The following CSMD1 variants were observed in gnomAD, a reference collection of about 807,000 sequenced individuals.
CSMD1 encodes CUB and Sushi multiple domains 1.
Under a neutral mutation model 417.5 loss-of-function variants are expected in CSMD1, and 213 were observed. The ratio of observed to expected loss-of-function variants is 0.51; its 90% CI spans 0.46 to 0.57. CSMD1 has a LOEUF of 0.57. Ranked by LOEUF, CSMD1 falls within the 20% of genes least tolerant of loss-of-function variation. The pLI, the probability that CSMD1 is intolerant of heterozygous loss-of-function variation, is 0.00. For missense variants in CSMD1, 6,923 were observed against 4,529.7 expected (o/e 1.53, Z -15.17); for synonymous variants, 2,862 against 1,736.8 (o/e 1.65, Z -16.11).
intron 1 of CSMD1, among the ~76,000 whole-genome samples, chr8:4,662,687 C>A (rs1293459439): frequency 1.3e-5 from 2 of 152,154 alleles, no homozygotes; most frequent in African/African-American, 4.8e-5. Context: ...CTTTCAGGAG[C>A]ATTTGTACAC....
At chr8:4,385,243 T>G (rs1803370461) in intron 3 of CSMD1, among the ~76,000 whole-genome samples, 1 of 152,218 alleles carries the variant, frequency 6.6e-6, no homozygotes, top group Non-Finnish European at 1.5e-5. Flanking sequence ...AAAAAAGTTC[T>G]TAAATAGGTG....
intron 10 of CSMD1, among the ~76,000 whole-genome samples, chr8:3,528,473 C>A (rs1038193822): frequency 1.3e-5 from 2 of 152,184 alleles, no homozygotes; most frequent in Non-Finnish European, 2.9e-5. Flanking sequence ...AGCTTCCAAA[C>A]CTTGAGGAAG....
intron 2 of CSMD1, among the ~76,000 whole-genome samples, chr8:4,531,184 G>A (rs976956214): frequency 1.3e-5 from 2 of 152,122 alleles, no homozygotes; most frequent in Middle Eastern, 3.4e-3. Flanking sequence ...TGTATATATC[G>A]CCATGTAATC....
At chr8:4,276,666 T>C (rs990171307) in intron 3 of CSMD1, among the ~76,000 whole-genome samples, 2 of 152,204 alleles carry the variant, frequency 1.3e-5, no homozygotes, top group Non-Finnish European at 2.9e-5. Flanking sequence ...ATTTTCCTTC[T>C]GGTCATTGAT....
chr8:4,276,915 G>A (rs1051477513), intron 3 of CSMD1, among the ~76,000 whole-genome samples: 1 of 152,066 alleles, frequency 6.6e-6, no homozygotes, highest in Non-Finnish European at 1.5e-5. Context: ...TAGAGTACTG[G>A]AATTCATTTC....
At chr8:3,112,805 G>C (rs777080950) in intron 42 of CSMD1, among the ~76,000 whole-genome samples, 2 of 152,146 alleles carry the variant, frequency 1.3e-5, no homozygotes, top group African/African-American at 4.8e-5. Context: ...CATCACATAA[G>C]ATAACAATAT....
chr8:3,922,754 G>C (rs1323729596), intron 5 of CSMD1, among the ~76,000 whole-genome samples: 3 of 151,734 alleles, frequency 2.0e-5, no homozygotes, highest in Non-Finnish European at 4.4e-5. Context: ...AATTATTGTA[G>C]GTATGGTTAT....
At chr8:4,398,617 G>C (rs138386015) in intron 3 of CSMD1, among the ~76,000 whole-genome samples, 14 of 151,960 alleles carry the variant, frequency 9.2e-5, no homozygotes, top group South Asian at 2.1e-4. Context: ...GGATTGTCTC[G>C]ATCTCCTGAC....
At chr8:3,999,285 T>G (rs572000763) in intron 4 of CSMD1, among the ~76,000 whole-genome samples, 1 of 152,156 alleles carries the variant, frequency 6.6e-6, no homozygotes, top group African/African-American at 2.4e-5. Flanking sequence ...GGGAGTTTGC[T>G]GTAAGCAGAG....
intron 7 of CSMD1, among the ~76,000 whole-genome samples, chr8:3,623,708 G>A (rs1255001325): frequency 2.0e-5 from 3 of 152,280 alleles, no homozygotes; most frequent in South Asian, 2.1e-4. Context: ...GGGCGTGGGG[G>A]CTCATGCCTG....
intron 3 of CSMD1, among the ~76,000 whole-genome samples, chr8:4,247,645 T>A (rs1178156455): frequency 6.6e-6 from 1 of 152,196 alleles, no homozygotes; most frequent in South Asian, 2.1e-4. Context: ...AAGTAAGTTA[T>A]CACCATTCAA....
In CSMD1 at chr8:4,031,944, T is replaced by G. The variant is rs758452920; in HGVS notation, c.571A>C (p.Asn191His). 1.2e-6 allele frequency: 2 copies of G among 1,613,790 alleles called. No homozygotes were observed. The highest frequency in any genetic ancestry group is 2.2e-5 in the East Asian group (1 of 44,878). ...GCTGGGAAGTCCCACGATGCACCAT[T>G]TCCTGGGCTGACGATGCAGGTCAGG... ...AILTCIVSPG[N>H]GASWDFPAPF... Residue 191 changes from asparagine (N) to histidine (H), a missense_variant, in exon 4 of 70, where the codon AAT becomes CAT. Physicochemically the swap from Asn to His is moderately conservative, Grantham distance 68 (BLOSUM62 1). Transcript: ENST00000635120.
intron 3 of CSMD1, among the ~76,000 whole-genome samples, chr8:4,234,307 C>T (rs995014415): frequency 6.6e-6 from 1 of 152,106 alleles, no homozygotes; most frequent in Non-Finnish European, 1.5e-5. Flanking sequence ...ATAGAGCTGG[C>T]GATTGCAGAC....
intron 41 of CSMD1, among the ~76,000 whole-genome samples, chr8:3,141,005 T>C (rs747000725): frequency 3.3e-5 from 5 of 152,196 alleles, no homozygotes; most frequent in South Asian, 2.1e-4. Flanking sequence ...AAGGCATACA[T>C]ACCTGAGAGA....
Position 3,221,294 on chromosome 8 carries a change from T to C in CSMD1, c.4485-1852A>G, listed in dbSNP as rs187598338. Among the ~76,000 whole-genome samples, 30 of 152,312 alleles carry C rather than the reference T, an allele frequency of 2.0e-4. No homozygotes were observed. In the East Asian group the frequency reaches 4.8e-3, roughly 25 times the overall value. On this transcript the variant is annotated intron_variant, in intron 28 of 69. Transcript: ENST00000635120. ...TTAGGAAGGTGTCTTAGTCTGTTTA[T>C]TTGACAAGTTCACTGACGTCAGGAA...
intron 49 of CSMD1, among the ~76,000 whole-genome samples, chr8:3,053,234 T>C (rs1016823277): frequency 5.3e-5 from 8 of 152,210 alleles, no homozygotes; most frequent in Non-Finnish European, 1.0e-4. Context: ...CTCATGCAGC[T>C]TAGCCGCAGT....
intron 10 of CSMD1, among the ~76,000 whole-genome samples, chr8:3,559,199 T>C (rs951624446): frequency 6.6e-6 from 1 of 152,322 alleles, no homozygotes; most frequent in South Asian, 2.1e-4. Context: ...GTTTGGGCAA[T>C]AAGTATCAAT....
intron 3 of CSMD1, among the ~76,000 whole-genome samples, chr8:4,046,663 C>G (rs913179597): frequency 1.3e-5 from 2 of 152,092 alleles, no homozygotes; most frequent in Admixed American, 6.6e-5. Context: ...AGGATATACA[C>G]TGGGAATGTT....
rs200584516 is a variant in CSMD1 at position 4,711,337 on chromosome 8, G to T, written c.86-73779C>A. On this transcript the variant is annotated intron_variant, in intron 1 of 69. Transcript: ENST00000635120. ...GAAGGGCAAATTAAACCTTTGTTTT[G>T]ACTATTTATTGATAGCCAAAGTTTC... Among the ~76,000 whole-genome samples the T allele has an allele frequency of 5.9e-5, 9 of 152,144 alleles. No individual in the cohort carries two copies. In the East Asian group the frequency reaches 1.7e-3, roughly 29 times the overall value.
Sources: allele counts gnomAD v4.1 joint callset (sites outside exome capture counted in the v4.1 genomes callset), GRCh38; gene constraint gnomAD v4.1.1; transcripts MANE v1.5; gene names NCBI Gene and HGNC (gene_info 2026-07-23, HGNC 2026-07-21).